The following ATP10B variants were observed in gnomAD, a reference collection of about 807,000 sequenced individuals.
ATP10B encodes ATPase phospholipid transporting 10B (putative).
In ATP10B, 122 loss-of-function variants were observed where a neutral mutation model predicts 141.2. The ratio of observed to expected loss-of-function variants is 0.86; its 90% CI spans 0.75 to 1.00. The LOEUF is 1.00. ATP10B is among the 50% of genes least tolerant of loss of function. The pLI is 0.00. For missense variants in ATP10B, 1,876 were observed against 1,825.3 expected, an observed-to-expected ratio of 1.03 and a Z score of -0.51; for synonymous variants, 685 against 692.0, an observed-to-expected ratio of 0.99 and a Z score of 0.16.
chr5:160,585,263 A>C (rs915203838), intron 24 of ATP10B, among the ~76,000 whole-genome samples: 14 of 152,226 alleles, frequency 9.2e-5, no homozygotes, highest in African/African-American at 3.4e-4. Flanking sequence ...AGATCCTACA[A>C]ATTGTAGTTT....
chr5:160,820,473 C>G (rs1233794873), intron 1 of ATP10B, among the ~76,000 whole-genome samples: 3 of 152,042 alleles, frequency 2.0e-5, no homozygotes, highest in Non-Finnish European at 4.4e-5. Flanking sequence ...TAAAGAAGAA[C>G]TAGTATCAAT....
the ATP10B span, among the ~76,000 whole-genome samples, chr5:160,901,112 C>T: frequency 2.6e-5 from 4 of 151,990 alleles, no homozygotes; most frequent in African/African-American, 7.3e-5. Flanking sequence ...AGAGTCACCA[C>T]AAGCCAAACT....
the ATP10B span, among the ~76,000 whole-genome samples, chr5:160,895,900 A>G: frequency 3.3e-5 from 5 of 152,218 alleles, no homozygotes; most frequent in Non-Finnish European, 7.3e-5. Flanking sequence ...AAACTCCCTC[A>G]AAACCACACA....
intron 2 of ATP10B, among the ~76,000 whole-genome samples, chr5:160,769,525 T>C (rs1769725231): frequency 1.3e-5 from 2 of 152,214 alleles, no homozygotes; most frequent in South Asian, 4.1e-4. Flanking sequence ...TCACAGTCCA[T>C]ACCAGATGTC....
chr5:160,909,096 G>T, the ATP10B span, among the ~76,000 whole-genome samples: 27 of 152,118 alleles, frequency 1.8e-4, no homozygotes, highest in African/African-American at 6.5e-4. Flanking sequence ...GATTTTATGG[G>T]GGGTCAGACA....
chr5:160,903,567 C>A, the ATP10B span, among the ~76,000 whole-genome samples: 1 of 152,216 alleles, frequency 6.6e-6, no homozygotes, highest in Admixed American at 6.5e-5. Context: ...AACTACCTAA[C>A]AATTTGATGG....
chr5:160,574,959 C>G (rs1327127273), intron 24 of ATP10B, among the ~76,000 whole-genome samples: 2 of 152,152 alleles, frequency 1.3e-5, no homozygotes, highest in Non-Finnish European at 2.9e-5. Flanking sequence ...TTGTAAATTA[C>G]CCAGTCTCAG....
chr5:160,879,537 TAAA>T, the ATP10B span, among the ~76,000 whole-genome samples: 1 of 134,880 alleles, frequency 7.4e-6, no homozygotes, highest in Non-Finnish European at 1.6e-5. Flanking sequence ...AAAGTAAAAT[TAAA>T]AAAAAAAAAA....
At chr5:160,853,158 A>G (rs1390222766), upstream of ATP10B, among the ~76,000 whole-genome samples, 2 of 152,208 alleles carry the variant, frequency 1.3e-5, no homozygotes. Context: ...AGGAATTTTT[A>G]AGAACATGAA....
At chr5:160,912,554 AC>A in the ATP10B span, among the ~76,000 whole-genome samples, 1 of 151,728 alleles carries the variant, frequency 6.6e-6, no homozygotes, top group Non-Finnish European at 1.5e-5. Flanking sequence ...AGCTGAGATC[AC>A]GCCACCGCAC....
At chr5:160,601,056 C>T (rs577392807) in intron 21 of ATP10B, among the ~76,000 whole-genome samples, 1 of 152,046 alleles carries the variant, frequency 6.6e-6, no homozygotes, top group South Asian at 2.1e-4. Context: ...CTTGAGCTGC[C>T]AAAAAAATTA....
chr5:160,715,209 C>T (rs1581402581), intron 3 of ATP10B, among the ~76,000 whole-genome samples: 2 of 138,872 alleles, frequency 1.4e-5, no homozygotes, highest in East Asian at 4.1e-4. Flanking sequence ...CGCCCCTCCC[C>T]CAGCCTCGTT....
chr5:160,808,412 G>A (rs145618966), intron 1 of ATP10B, among the ~76,000 whole-genome samples: 1 of 152,310 alleles, frequency 6.6e-6, no homozygotes, highest in Non-Finnish European at 1.5e-5. Flanking sequence ...TATACCATGA[G>A]CATGGCTTTG....
the ATP10B span, among the ~76,000 whole-genome samples, chr5:160,872,134 T>C: frequency 6.6e-6 from 1 of 152,196 alleles, no homozygotes; most frequent in Non-Finnish European, 1.5e-5. Flanking sequence ...TGCACTTCTC[T>C]GGTTATTAAT....
At chr5:160,738,880 A>G (rs1767287065) in intron 2 of ATP10B, among the ~76,000 whole-genome samples, 1 of 152,196 alleles carries the variant, frequency 6.6e-6, no homozygotes, top group African/African-American at 2.4e-5. Flanking sequence ...CTTTTCAAAT[A>G]ATGTTATAAG....
intron 14 of ATP10B, among the ~76,000 whole-genome samples, chr5:160,621,676 G>C (rs960602694): frequency 1.3e-5 from 2 of 152,170 alleles, no homozygotes; most frequent in Non-Finnish European, 2.9e-5. Context: ...GAAACTTCTT[G>C]TCTTGGTTTC....
upstream of ATP10B, among the ~76,000 whole-genome samples, chr5:160,854,525 G>A (rs1228757293): frequency 6.6e-6 from 1 of 152,106 alleles, no homozygotes; most frequent in East Asian, 1.9e-4. Flanking sequence ...TGGCTGCATA[G>A]TATTCCATGG....
chr5:160,617,523 TAA>T (rs1758091960), intron 16 of ATP10B, among the ~76,000 whole-genome samples: 1 of 152,126 alleles, frequency 6.6e-6, no homozygotes, highest in Non-Finnish European at 1.5e-5. Flanking sequence ...TGTGACCATA[TAA>T]AAGGTCCCCA....
At chr5:160,665,228 T>C (rs183546979) in intron 7 of ATP10B, among the ~76,000 whole-genome samples, 75 of 152,356 alleles carry the variant, frequency 4.9e-4, no homozygotes, top group African/African-American at 1.8e-3. Flanking sequence ...GCCTTGAGGA[T>C]AATCTGCAAT....
Sources: gnomAD v4.1 joint callset for allele counts (sites outside exome capture counted in the v4.1 genomes callset) on GRCh38, gnomAD v4.1.1 for gene constraint, MANE v1.5 for transcripts, NCBI Gene and HGNC (gene_info 2026-07-23, HGNC 2026-07-21) for gene names.